The following SMOC2 variants were observed in gnomAD, a reference collection of about 807,000 sequenced individuals.
SMOC2 encodes SPARC-related modular calcium-binding protein 2.
A neutral mutation model predicts 61.4 loss-of-function variants in SMOC2; 39 were observed. The ratio of observed to expected loss-of-function variants is 0.64; its 90% CI spans 0.49 to 0.83. The LOEUF is 0.83. Among genes scored for constraint, SMOC2 ranks in the 40% least tolerant of loss-of-function variants. The pLI is 0.00. For synonymous variants in SMOC2, 247 were observed against 239.9 expected, an observed-to-expected ratio of 1.03 and a Z score of -0.27; for missense variants, 556 against 592.9, an observed-to-expected ratio of 0.94 and a Z score of 0.65.
At chr6:168,629,092 G>T (rs969470557) in intron 9 of SMOC2, among the ~76,000 whole-genome samples, 1 of 152,256 alleles carries the variant, frequency 6.6e-6, no homozygotes, top group Non-Finnish European at 1.5e-5. Flanking sequence ...GCTGCCTCGA[G>T]CTCCGAGAGG....
intron 11 of SMOC2, chr6:168,655,450 A>G (rs1310497140): frequency 2.2e-6 from 1 of 455,910 alleles, no homozygotes; most frequent in Non-Finnish European, 4.4e-6. Context: ...GAGGCAAGCC[A>G]GGAGAAGCCG....
intron 9 of SMOC2, among the ~76,000 whole-genome samples, chr6:168,643,612 G>C (rs751612513): frequency 3.9e-5 from 6 of 152,192 alleles, no homozygotes; most frequent in Admixed American, 2.6e-4. Flanking sequence ...GGTGGGCAGG[G>C]GCCTTGTCTG....
chr6:168,594,787 C>G (rs1785270015), intron 7 of SMOC2, among the ~76,000 whole-genome samples: 3 of 85,602 alleles, frequency 3.5e-5, no homozygotes, highest in Admixed American at 1.0e-4. Flanking sequence ...TCACGGGCAT[C>G]TTTCTAGAGG....
At chr6:168,477,203 A>G (rs4119499) in intron 1 of SMOC2, among the ~76,000 whole-genome samples, 20,671 of 152,200 alleles carry the variant, frequency 0.14, 2,800 homozygotes, top group East Asian at 0.44. Flanking sequence ...ACTCCAGCCC[A>G]TGCTAAAGAC....
intron 7 of SMOC2, among the ~76,000 whole-genome samples, chr6:168,595,340 C>T (rs1382091119): frequency 6.6e-6 from 1 of 152,190 alleles, no homozygotes. Context: ...GGAAATCTCC[C>T]GTGCTGTGGT....
At chr6:168,619,472 A>G (rs1173366909) in intron 9 of SMOC2, among the ~76,000 whole-genome samples, 1 of 152,228 alleles carries the variant, frequency 6.6e-6, no homozygotes, top group Non-Finnish European at 1.5e-5. Context: ...TTCTATTGCA[A>G]ATAATTCCTA....
intron 1 of SMOC2, among the ~76,000 whole-genome samples, chr6:168,508,966 T>C (rs1307620106): frequency 6.6e-6 from 1 of 152,248 alleles, no homozygotes; most frequent in Non-Finnish European, 1.5e-5. Context: ...CTGTTTGTCC[T>C]GGAGCACAGA....
intron 7 of SMOC2, among the ~76,000 whole-genome samples, chr6:168,562,339 T>A (rs7764971): frequency 9.8e-6 from 1 of 102,218 alleles, no homozygotes; most frequent in Non-Finnish European, 2.0e-5. Flanking sequence ...GCTCTCACTG[T>A]GTTCTCGGAG....
At chr6:168,472,978 G>T (rs1275780864) in intron 1 of SMOC2, among the ~76,000 whole-genome samples, 1 of 151,774 alleles carries the variant, frequency 6.6e-6, no homozygotes, top group Non-Finnish European at 1.5e-5. Flanking sequence ...CACCGGGGAA[G>T]GCTCCGATTC....
chr6:168,570,793 G>A (rs999948010), intron 7 of SMOC2, among the ~76,000 whole-genome samples: 7 of 152,174 alleles, frequency 4.6e-5, no homozygotes, highest in African/African-American at 1.7e-4. Context: ...TTCTGTGATG[G>A]ATGGAAAAGG....
intron 9 of SMOC2, among the ~76,000 whole-genome samples, chr6:168,645,852 C>T (rs988614155): frequency 2.6e-5 from 4 of 152,146 alleles, no homozygotes; most frequent in Non-Finnish European, 5.9e-5. Context: ...CCCTGGCTGG[C>T]GAATTGGAGC....
intron 9 of SMOC2, among the ~76,000 whole-genome samples, chr6:168,630,456 C>T (rs1446385097): frequency 6.6e-6 from 1 of 152,234 alleles, no homozygotes; most frequent in Non-Finnish European, 1.5e-5. Flanking sequence ...CCTGTCTTTA[C>T]TTTAATCTCT....
At chr6:168,589,542 G>T (rs1785123938) in intron 7 of SMOC2, among the ~76,000 whole-genome samples, 1 of 152,262 alleles carries the variant, frequency 6.6e-6, no homozygotes, top group Admixed American at 6.5e-5. Flanking sequence ...CTGGAAGCTG[G>T]AACTGGGCAG....
chr6:168,503,340 A>C (rs1000952174), intron 1 of SMOC2, among the ~76,000 whole-genome samples: 2 of 151,688 alleles, frequency 1.3e-5, no homozygotes, highest in Non-Finnish European at 2.9e-5. Flanking sequence ...GGCCTCCCAA[A>C]GTGCTGGGAT....
intron 7 of SMOC2, among the ~76,000 whole-genome samples, chr6:168,588,629 G>A (rs1225630364): frequency 6.6e-6 from 1 of 152,214 alleles, no homozygotes; most frequent in Non-Finnish European, 1.5e-5. Flanking sequence ...TACATTACAG[G>A]ATTGAAGCGG....
chr6:168,441,794 A>G (rs1273391758), intron 1 of SMOC2, among the ~76,000 whole-genome samples: 1 of 152,078 alleles, frequency 6.6e-6, no homozygotes, highest in Non-Finnish European at 1.5e-5. Flanking sequence ...ACCCCGGACA[A>G]GTGGGAGCTG....
chr6:168,492,093 TC>T (rs1231798562), intron 1 of SMOC2, among the ~76,000 whole-genome samples: 1 of 152,170 alleles, frequency 6.6e-6, no homozygotes, highest in Admixed American at 6.5e-5. Flanking sequence ...AAATAATGTC[TC>T]CCCAATTTTT....
chr6:168,662,885 G>C (rs77774629), intron 11 of SMOC2, among the ~76,000 whole-genome samples: 9,990 of 152,234 alleles, frequency 0.066, 418 homozygotes, highest in African/African-American at 0.11. Context: ...AGCAGCTCAA[G>C]AATGGGGTTA....
At chr6:168,559,981 C>G (rs1252231519) in intron 7 of SMOC2, among the ~76,000 whole-genome samples, 1 of 152,204 alleles carries the variant, frequency 6.6e-6, no homozygotes, top group Non-Finnish European at 1.5e-5. Context: ...AATGTTCATG[C>G]ATTTGCTGAG....
Sources: gnomAD v4.1 joint callset for allele counts (sites outside exome capture counted in the v4.1 genomes callset) on GRCh38, gnomAD v4.1.1 for gene constraint, MANE v1.5 for transcripts, NCBI Gene and HGNC (gene_info 2026-07-23, HGNC 2026-07-21) for gene names.